The following DAB1 variants were observed in gnomAD, a reference collection of about 807,000 sequenced individuals.
The protein encoded by DAB1 is disabled homolog 1.
DAB1 carries 15 observed loss-of-function variants against 64.6 expected under a neutral mutation model. The observed-to-expected ratio is 0.23, with a 90% confidence interval of 0.16 to 0.36. DAB1 has a LOEUF of 0.36. Ranked by LOEUF, DAB1 falls within the 10% of genes least tolerant of loss-of-function variation. The pLI is 1.00. For missense variants in DAB1, 596 were observed against 706.7 expected (o/e 0.84, Z 1.78); for synonymous variants, 235 against 251.9 (o/e 0.93, Z 0.64).
intron 7 of DAB1, among the ~76,000 whole-genome samples, chr1:57,449,922 G>A (rs1570531503): frequency 1.3e-5 from 2 of 152,258 alleles, no homozygotes; most frequent in East Asian, 1.9e-4. Context: ...TATATAGCAG[G>A]CTCTGTATCC....
At chr1:58,249,998 G>A (rs1036119984) in intron 4 of DAB1, among the ~76,000 whole-genome samples, 6 of 152,202 alleles carry the variant, frequency 3.9e-5, no homozygotes, top group Non-Finnish European at 8.8e-5. Context: ...GCCGCTGCCT[G>A]GCTTCTGGCT....
At chr1:57,171,595 A>G (rs911636698) in intron 2 of DAB1, among the ~76,000 whole-genome samples, 3 of 152,210 alleles carry the variant, frequency 2.0e-5, no homozygotes, top group Non-Finnish European at 4.4e-5. Context: ...CTTACTGTCA[A>G]ATCTTCCACA....
chr1:57,116,504 A>T (rs1294830934), intron 4 of DAB1, among the ~76,000 whole-genome samples: 1 of 147,170 alleles, frequency 6.8e-6, no homozygotes, highest in African/African-American at 2.5e-5. Context: ...AGGTTGGGAG[A>T]AGCTATCCCA....
chr1:57,607,069 GT>G (rs1184781309), intron 7 of DAB1, among the ~76,000 whole-genome samples: 1 of 152,018 alleles, frequency 6.6e-6, no homozygotes, highest in African/African-American at 2.4e-5. Context: ...TTACAGGTGT[GT>G]GAGCCACCAT....
intron 7 of DAB1, among the ~76,000 whole-genome samples, chr1:57,431,691 C>G (rs972263622): frequency 6.6e-6 from 1 of 152,160 alleles, no homozygotes; most frequent in Admixed American, 6.5e-5. Flanking sequence ...GCTAAATGCA[C>G]AGTAGAAACA....
At chr1:57,454,017 T>C (rs1020647236) in intron 7 of DAB1, among the ~76,000 whole-genome samples, 18 of 152,146 alleles carry the variant, frequency 1.2e-4, no homozygotes, top group African/African-American at 4.3e-4. Flanking sequence ...TAGTTTCCCT[T>C]TCGGCCTGGA....
chr1:57,062,827 A>G (rs1171223173), intron 9 of DAB1, 57 bp downstream of exon 9: 24 of 1,415,518 alleles, frequency 1.7e-5, no homozygotes, highest in Middle Eastern at 1.8e-4. Flanking sequence ...GGCTGTAGAC[A>G]GCCTCAGTGT....
At chr1:57,562,431 A>G (rs1645063890) in intron 7 of DAB1, among the ~76,000 whole-genome samples, 1 of 152,356 alleles carries the variant, frequency 6.6e-6, no homozygotes, top group South Asian at 2.1e-4. Context: ...GGAATTTACA[A>G]TTCACTGGTC....
intron 2 of DAB1, among the ~76,000 whole-genome samples, chr1:57,224,244 G>A (rs1349939611): frequency 6.6e-6 from 1 of 152,180 alleles, no homozygotes; most frequent in East Asian, 1.9e-4. Flanking sequence ...GTGGTTATGT[G>A]TAAAGAACCT....
intron 6 of DAB1, among the ~76,000 whole-genome samples, chr1:57,728,221 CAA>C (rs1230595572): frequency 1.3e-5 from 2 of 152,138 alleles, no homozygotes; most frequent in African/African-American, 4.8e-5. Context: ...GCATTAAAAC[CAA>C]AGTCTGTTCT....
At chr1:57,643,878 A>C (rs999318550) in intron 7 of DAB1, among the ~76,000 whole-genome samples, 2 of 152,190 alleles carry the variant, frequency 1.3e-5, no homozygotes, top group African/African-American at 4.8e-5. Flanking sequence ...CAGTGGACTC[A>C]GAGAACGTCT....
intron 5 of DAB1, among the ~76,000 whole-genome samples, chr1:57,997,596 C>T (rs548681299): frequency 3.9e-5 from 6 of 152,170 alleles, no homozygotes; most frequent in Admixed American, 6.5e-5. Context: ...TAACAGCATC[C>T]GATTTGGGGA....
At chr1:58,187,685 T>C (rs1657160041) in intron 4 of DAB1, among the ~76,000 whole-genome samples, 1 of 151,096 alleles carries the variant, frequency 6.6e-6, no homozygotes, top group Non-Finnish European at 1.5e-5. Flanking sequence ...ATTCAAGCAA[T>C]TCTCATGCCT....
intron 1 of DAB1, among the ~76,000 whole-genome samples, chr1:57,856,368 A>G (rs978128284): frequency 1.2e-4 from 18 of 152,204 alleles, no homozygotes; most frequent in African/African-American, 4.3e-4. Context: ...AGGAAGAGCT[A>G]TTCAAGGACA....
intron 4 of DAB1, among the ~76,000 whole-genome samples, chr1:58,215,463 ATGTTCAC>A (rs1281726446): frequency 6.6e-6 from 1 of 151,116 alleles, no homozygotes; most frequent in Admixed American, 6.6e-5. Context: ...TATGTATTAG[ATGTTCAC>A]TGTCTGTCTC....
chr1:57,317,253 C>T (rs771635683), intron 1 of DAB1, among the ~76,000 whole-genome samples: 11 of 152,136 alleles, frequency 7.2e-5, no homozygotes, highest in Non-Finnish European at 1.6e-4. Context: ...AGATCCATCC[C>T]GGGTGAGCCT....
At chr1:57,752,009 G>A (rs1648577066) in intron 6 of DAB1, among the ~76,000 whole-genome samples, 1 of 152,178 alleles carries the variant, frequency 6.6e-6, no homozygotes, top group African/African-American at 2.4e-5. Context: ...TCGCAATGAA[G>A]TCTTGGACCT....
downstream of DAB1, among the ~76,000 whole-genome samples, chr1:57,821,940 T>C (rs1652139884): frequency 6.6e-6 from 1 of 152,212 alleles, no homozygotes; most frequent in Non-Finnish European, 1.5e-5. Context: ...ACAATTTCTG[T>C]GAGGTAGAAT....
Position 57,747,286 on chromosome 1 carries a change from G to A in DAB1, n.552-97621C>T, listed in dbSNP as rs559969260. Among the ~76,000 whole-genome samples, 5 of 152,278 alleles carry A rather than the reference G, an allele frequency of 3.3e-5. No homozygotes were observed. In the East Asian group the frequency reaches 5.8e-4, roughly 18 times the overall value. ...CTTGCCCCAACCTTGGAAGAGTAGG[G>A]TTGTCCTTCTCCTTCCTGTCCTCTT... On this transcript the variant is annotated intron_variant and non_coding_transcript_variant, in intron 6 of 20. Transcript: ENST00000485760.
Sources: gnomAD v4.1 joint callset for allele counts (sites outside exome capture counted in the v4.1 genomes callset) on GRCh38, gnomAD v4.1.1 for gene constraint, MANE v1.5 for transcripts, NCBI Gene and HGNC (gene_info 2026-07-23, HGNC 2026-07-21) for gene names.